Variants in UST observed in about 807,000 individuals in gnomAD.
UST encodes the protein uronyl 2-sulfotransferase, also known as chondroitin sulfate 2-O-sulfotransferase.
A neutral mutation model predicts 45.6 loss-of-function variants in UST; 21 were observed. The observed-to-expected ratio is 0.46, with a 90% CI of 0.33 to 0.66. UST has a LOEUF of 0.66. UST is among the 30% of genes least tolerant of loss of function. The pLI is 0.02. For synonymous variants in UST, 215 were observed against 200.6 expected (o/e 1.07, Z -0.61); for missense variants, 463 against 512.4 (o/e 0.90, Z 0.93).
intron 7 of UST, among the ~76,000 whole-genome samples, chr6:149,062,342 A>C (rs1425153340): frequency 6.6e-6 from 1 of 152,244 alleles, no homozygotes; most frequent in Non-Finnish European, 1.5e-5. Flanking sequence ...TAAAAAGTGA[A>C]GTATGCATAG....
rs768559752 is a variant in UST at position 148,934,442 on chromosome 6, A to G, written c.292-6837A>G. The stretch of plus-strand genomic sequence containing the variant: ...AGGGTCTAATGCTTTAACAACATTC[A>G]GTATAAATTTCAGTTAACCTACACA... On this transcript the variant is annotated intron_variant, in intron 2 of 7. Transcript: ENST00000367463. The surrounding 1 kb of genome is among the most constrained non-coding windows in gnomAD (Gnocchi z 4.1). 2.6e-5 allele frequency among the ~76,000 whole-genome samples: 4 copies of G among 152,252 alleles called. No homozygotes were observed. The highest frequency in any genetic ancestry group is 4.8e-5 in the African/African-American group (2 of 41,468).
chr6:148,851,577 A>G (rs1170212474), intron 1 of UST, among the ~76,000 whole-genome samples: 2 of 152,250 alleles, frequency 1.3e-5, no homozygotes, highest in East Asian at 1.9e-4. Flanking sequence ...GAATTTAACT[A>G]TGCTAAGCAG....
intron 7 of UST, among the ~76,000 whole-genome samples, chr6:149,045,015 C>A (rs1009899077): frequency 6.6e-5 from 10 of 152,206 alleles, no homozygotes; most frequent in Admixed American, 2.6e-4. Context: ...ATGCCAAATT[C>A]TGTAAGTTGA....
chr6:148,747,738 A>G, intron 1 of UST, 61 bp downstream of exon 1: 7 of 1,487,288 alleles, frequency 4.7e-6, no homozygotes, highest in South Asian at 4.0e-5. Flanking sequence ...CGGCGGGGAG[A>G]GGGTCGCGGC....
intron 7 of UST, among the ~76,000 whole-genome samples, chr6:149,046,302 C>T (rs753617291): frequency 2.6e-5 from 4 of 152,176 alleles, no homozygotes; most frequent in African/African-American, 9.7e-5. Flanking sequence ...TAAGTTGGTC[C>T]CAAAACCAGT....
intron 7 of UST, among the ~76,000 whole-genome samples, chr6:149,029,573 A>G (rs940327943): frequency 8.0e-5 from 12 of 150,338 alleles, no homozygotes; most frequent in Non-Finnish European, 1.8e-4. Flanking sequence ...GAATTAAACA[A>G]ATTCTCTCTT....
At chr6:148,825,953 G>A (rs1270957202) in intron 1 of UST, among the ~76,000 whole-genome samples, 2 of 152,178 alleles carry the variant, frequency 1.3e-5, no homozygotes, top group African/African-American at 4.8e-5. Flanking sequence ...TAGGGTTGAG[G>A]AGGGGGCAGA....
At chr6:148,815,527 A>G (rs1270701298) in intron 1 of UST, among the ~76,000 whole-genome samples, 1 of 151,254 alleles carries the variant, frequency 6.6e-6, no homozygotes, top group Non-Finnish European at 1.5e-5. Context: ...AGATGTAGCT[A>G]GCACATGTAG....
chr6:148,801,763 T>C (rs566767916), intron 1 of UST, among the ~76,000 whole-genome samples: 1 of 152,252 alleles, frequency 6.6e-6, no homozygotes, highest in East Asian at 1.9e-4. Flanking sequence ...TCTCATTCTC[T>C]CTCTGAGCCC....
chr6:149,010,512 A>G (rs928382501), intron 5 of UST, among the ~76,000 whole-genome samples: 1 of 152,172 alleles, frequency 6.6e-6, no homozygotes, highest in Non-Finnish European at 1.5e-5. Flanking sequence ...GCTGTAGTTC[A>G]TTGAAAAGAG....
intron 1 of UST, among the ~76,000 whole-genome samples, chr6:148,764,726 C>A (rs888910292): frequency 1.3e-5 from 2 of 152,060 alleles, no homozygotes; most frequent in African/African-American, 4.8e-5. Context: ...GGGTGTGGGT[C>A]ACAGAGATCA....
At chr6:149,022,641 G>A (rs1279763909) in intron 7 of UST, among the ~76,000 whole-genome samples, 1 of 152,120 alleles carries the variant, frequency 6.6e-6, no homozygotes, top group Non-Finnish European at 1.5e-5. Flanking sequence ...GCAGATGAAA[G>A]CTCCCCAAAT....
chr6:149,060,996 A>C (rs1562343187), intron 7 of UST, among the ~76,000 whole-genome samples: 1 of 152,180 alleles, frequency 6.6e-6, no homozygotes. Flanking sequence ...GCAGATTGTT[A>C]AGGGAAGAGG....
At chr6:148,819,729 T>C (rs1047805781) in intron 1 of UST, among the ~76,000 whole-genome samples, 3 of 152,244 alleles carry the variant, frequency 2.0e-5, no homozygotes, top group South Asian at 4.1e-4. Flanking sequence ...ATAATGAGTA[T>C]GACCATCAAG....
chr6:148,764,593 G>T (rs1167792985), intron 1 of UST, among the ~76,000 whole-genome samples: 4 of 152,176 alleles, frequency 2.6e-5, no homozygotes, highest in Admixed American at 1.3e-4. Context: ...ACAAAAGAGA[G>T]AAATTTTAAA....
intron 1 of UST, among the ~76,000 whole-genome samples, chr6:148,830,785 G>T (rs942435993): frequency 6.6e-6 from 1 of 152,056 alleles, no homozygotes; most frequent in Non-Finnish European, 1.5e-5. Context: ...ATAAAATGGT[G>T]GTTGCCAGAG....
chr6:149,049,923 TCTCTCTCTCA>T (rs765425299), intron 7 of UST, among the ~76,000 whole-genome samples: 46 of 102,980 alleles, frequency 4.5e-4, no homozygotes, highest in African/African-American at 1.3e-3. Flanking sequence ...TCTCTCTCTC[TCTCTCTCTCA>T]CACACACACA....
chr6:148,787,273 T>A (rs548272581), intron 1 of UST, among the ~76,000 whole-genome samples: 16 of 152,258 alleles, frequency 1.1e-4, no homozygotes, highest in Non-Finnish European at 1.9e-4. Context: ...CATGCATATG[T>A]CCTGAATGAC....
At chr6:148,979,315 A>G (rs1351865737) in intron 5 of UST, among the ~76,000 whole-genome samples, 5 of 152,216 alleles carry the variant, frequency 3.3e-5, no homozygotes, top group African/African-American at 1.2e-4. Context: ...CAGTTTTGCA[A>G]TACAAAGGAA....
Sources: gnomAD v4.1 joint callset for allele counts (sites outside exome capture counted in the v4.1 genomes callset) on GRCh38, gnomAD v4.1.1 for gene constraint, Gnocchi (gnomAD v3.1) non-coding constraint, MANE v1.5 for transcripts, NCBI Gene and HGNC (gene_info 2026-07-23, HGNC 2026-07-21) for gene names.